The following MIPEP variants were observed in gnomAD, a reference collection of about 807,000 sequenced individuals.
The protein encoded by MIPEP is mitochondrial intermediate peptidase.
MIPEP carries 79 observed loss-of-function variants against 90.3 expected under a neutral mutation model. The observed-to-expected ratio is 0.87, with a 90% CI of 0.73 to 1.05. MIPEP has a LOEUF of 1.05. MIPEP is among the 50% of genes least tolerant of loss of function. The pLI is 0.00. For missense variants in MIPEP, 940 were observed against 905.6 expected, an observed-to-expected ratio of 1.04 and a Z score of -0.49; for synonymous variants, 334 against 315.8, an observed-to-expected ratio of 1.06 and a Z score of -0.61.
chr13:23,847,699 T>C (rs1869612207), intron 10 of MIPEP, among the ~76,000 whole-genome samples: 1 of 152,124 alleles, frequency 6.6e-6, no homozygotes, highest in South Asian at 2.1e-4. Context: ...TCTCTCCAAC[T>C]GTCACAGAAG....
chr13:23,830,545 A>T (rs1868690757), intron 14 of MIPEP, among the ~76,000 whole-genome samples: 1 of 152,208 alleles, frequency 6.6e-6, no homozygotes, highest in South Asian at 2.1e-4. Context: ...TATAACATTA[A>T]ATATTAAATA....
rs1156802851 is a variant in MIPEP at position 23,806,070 on chromosome 13, C to A, written c.1729-1G>T. ...TTTGATCCAGAGTGGCATAAAAGAC[C>A]TAGATAGATAAAAACATCTACTTAG... On this transcript the variant is annotated splice_acceptor_variant, in intron 15 of 18. Coordinates refer to ENST00000382172, the MANE Select transcript of MIPEP (RefSeq NM_005932.4). LOFTEE classifies it high-confidence loss of function. The A allele has an allele frequency of 1.2e-6, 2 of 1,613,566 alleles. No individual in the cohort carries two copies. Among genetic ancestry groups the A allele is most frequent in the Non-Finnish European group, 1.7e-6 (2 of 1,179,852 alleles).
intron 10 of MIPEP, among the ~76,000 whole-genome samples, chr13:23,849,228 C>T (rs188981877): frequency 1.9e-3 from 293 of 152,316 alleles, no homozygotes; most frequent in African/African-American, 6.8e-3. Context: ...AGAACATTTT[C>T]CTCTCTCATC....
At position 23,836,256 on chromosome 13, in the gene MIPEP, T is replaced by C. The variant is rs1173472540; in HGVS notation, c.1637A>G (p.His546Arg). The part of the protein sequence containing the change: ...DYRVVNQFAR[H>R]YQTGQPLPKN... ...TGTTCCTACCTGTCCAGTCTGATAA[T>C]GTCTGGCAAATTGGTTAACTACTCG... Residue 546 changes from histidine to arginine, a missense_variant, in exon 14 of 19, where the codon CAT (histidine) becomes CGT (arginine). Physicochemically the swap from His to Arg is conservative, Grantham distance 29. Transcript: ENST00000382172. 4.4e-6 allele frequency: 7 copies of C among 1,602,070 alleles called. No homozygotes were observed. Among genetic ancestry groups the C allele is most frequent in the Non-Finnish European group, 6.0e-6 (7 of 1,174,598 alleles).
At chr13:23,781,683 C>T (rs1417080061) in intron 16 of MIPEP, among the ~76,000 whole-genome samples, 1 of 152,128 alleles carries the variant, frequency 6.6e-6, no homozygotes, top group Non-Finnish European at 1.5e-5. Flanking sequence ...AGTCAAGACC[C>T]ATCAGTGTGC....
In MIPEP at chr13:23,730,457, G is replaced by C. The variant is rs374712493; in HGVS notation, c.2045-12C>G. Reference sequence around the variant, plus strand: ...CTTCTGAAGCATACCTGCAAACAAAGGAAAGGTCAGAACTGCGTTCACCAG... The same window carrying C: ...CTTCTGAAGCATACCTGCAAACAAACGAAAGGTCAGAACTGCGTTCACCAG... On this transcript the variant is annotated splice_polypyrimidine_tract_variant and intron_variant, in intron 18 of 18. Transcript: ENST00000382172. 1.8e-5 allele frequency: 29 copies of C among 1,592,430 alleles called. 1 individual carries two copies. In the African/African-American group the frequency reaches 2.3e-4, roughly 13 times the overall value.
chr13:23,770,621 C>G (rs1287148632), intron 16 of MIPEP, among the ~76,000 whole-genome samples: 1 of 152,076 alleles, frequency 6.6e-6, no homozygotes. Context: ...CCCAGGTGCT[C>G]TCTGGTGTGG....
intron 16 of MIPEP, among the ~76,000 whole-genome samples, chr13:23,772,494 C>CTTCAGTAT (rs1411990848): frequency 6.6e-6 from 1 of 152,090 alleles, no homozygotes; most frequent in African/African-American, 2.4e-5. Flanking sequence ...AGTATTCTTA[C>CTTCAGTAT]AATTATTAGT....
At chr13:23,748,368 T>G (rs572822082) in intron 18 of MIPEP, among the ~76,000 whole-genome samples, 1 of 152,338 alleles carries the variant, frequency 6.6e-6, no homozygotes, top group Admixed American at 6.5e-5. Flanking sequence ...GTTGCCCTCC[T>G]ATCACAGAGC....
At chr13:23,872,717 G>T (rs1870875292) in intron 5 of MIPEP, among the ~76,000 whole-genome samples, 1 of 152,094 alleles carries the variant, frequency 6.6e-6, no homozygotes, top group Admixed American at 6.5e-5. Flanking sequence ...GGGGAAAGAG[G>T]AGCTACACTG....
intron 18 of MIPEP, among the ~76,000 whole-genome samples, chr13:23,730,819 G>A (rs775568596): frequency 2.2e-4 from 34 of 152,088 alleles, no homozygotes; most frequent in Non-Finnish European, 4.7e-4. Context: ...TACATATCAA[G>A]TTTTGTTATC....
chr13:23,777,779 T>C (rs938487539), intron 16 of MIPEP, among the ~76,000 whole-genome samples: 44 of 152,230 alleles, frequency 2.9e-4, no homozygotes, highest in Admixed American at 2.6e-3. Flanking sequence ...CAAACTCCAC[T>C]GCACCTAGTG....
intron 18 of MIPEP, among the ~76,000 whole-genome samples, chr13:23,740,117 AC>A (rs1368131155): frequency 6.6e-6 from 1 of 152,154 alleles, no homozygotes; most frequent in Non-Finnish European, 1.5e-5. Context: ...GGAGTGAACC[AC>A]CATACTACAC....
chr13:23,808,709 T>C (rs1239957005), intron 15 of MIPEP, among the ~76,000 whole-genome samples: 1 of 152,208 alleles, frequency 6.6e-6, no homozygotes, highest in African/African-American at 2.4e-5. Context: ...AATGTTAATT[T>C]TTAAAAATAA....
intron 14 of MIPEP, among the ~76,000 whole-genome samples, chr13:23,817,603 T>C (rs1307954812): frequency 2.6e-5 from 4 of 152,106 alleles, no homozygotes; most frequent in Non-Finnish European, 5.9e-5. Context: ...ACAAGAACAA[T>C]AAAACATCAT....
At chr13:23,839,556 G>C in intron 12 of MIPEP, 93 bp downstream of exon 12, 1 of 747,952 alleles carries the variant, frequency 1.3e-6, no homozygotes, top group African/African-American at 1.8e-5. Context: ...ACTTTTAAAT[G>C]TCATGGAATT....
At chr13:23,883,675 T>G (rs1871354540) in intron 2 of MIPEP, among the ~76,000 whole-genome samples, 1 of 152,162 alleles carries the variant, frequency 6.6e-6, no homozygotes, top group African/African-American at 2.4e-5. Context: ...GAATGCAAAT[T>G]TTTTTTCCAA....
intron 10 of MIPEP, among the ~76,000 whole-genome samples, chr13:23,857,164 G>T (rs945925482): frequency 1.3e-5 from 2 of 152,098 alleles, no homozygotes; most frequent in Non-Finnish European, 2.9e-5. Flanking sequence ...TTTTAAAAGA[G>T]ACATTTTATT....
chr13:23,760,787 T>C (rs926115471), intron 16 of MIPEP, among the ~76,000 whole-genome samples: 1 of 152,254 alleles, frequency 6.6e-6, no homozygotes, highest in Non-Finnish European at 1.5e-5. Context: ...CATATATAGA[T>C]GTATATGTTT....
Sources: gnomAD v4.1 joint callset for allele counts (sites outside exome capture counted in the v4.1 genomes callset) on GRCh38, gnomAD v4.1.1 for gene constraint, MANE v1.5 for transcripts, NCBI Gene and HGNC (gene_info 2026-07-23, HGNC 2026-07-21) for gene names.